The following DRC11 variants were observed in gnomAD, a reference collection of about 807,000 sequenced individuals.
DRC11 encodes IQ and AAA domain-containing protein 1.
the DRC11 span, among the ~76,000 whole-genome samples, chr2:236,423,935 G>T: frequency 6.6e-6 from 1 of 151,616 alleles, no homozygotes; most frequent in African/African-American, 2.4e-5. Flanking sequence ...ATCATTCTGC[G>T]CAAACTATCG....
the DRC11 span, among the ~76,000 whole-genome samples, chr2:236,403,354 CAG>C: frequency 6.6e-6 from 1 of 151,498 alleles, no homozygotes; most frequent in South Asian, 2.1e-4. Context: ...AAAAGAGAGA[CAG>C]GGGGACAGAG....
chr2:236,425,417 A>G, the DRC11 span, among the ~76,000 whole-genome samples: 3 of 151,968 alleles, frequency 2.0e-5, no homozygotes, highest in Non-Finnish European at 4.4e-5. Context: ...ATTTTTCCAT[A>G]TACATGTTGA....
At chr2:236,465,466 A>C in the DRC11 span, 1 of 1,547,890 alleles carries the variant, frequency 6.5e-7, no homozygotes, top group Non-Finnish European at 8.9e-7. The surrounding 1 kb of genome is among the most constrained non-coding windows in gnomAD (Gnocchi z 6.2). Flanking sequence ...CAGCCACTAA[A>C]GAACAGACTG....
the DRC11 span, among the ~76,000 whole-genome samples, chr2:236,395,397 A>G: frequency 6.6e-6 from 1 of 152,254 alleles, no homozygotes; most frequent in Non-Finnish European, 1.5e-5. Context: ...CAAGCATTGC[A>G]TACATTGTCT....
At chr2:236,469,046 T>C in the DRC11 span, among the ~76,000 whole-genome samples, 1 of 152,224 alleles carries the variant, frequency 6.6e-6, no homozygotes, top group Non-Finnish European at 1.5e-5. This position sits in a 1 kb window ranked among gnomAD's most constrained non-coding sequence, Gnocchi z 5.8. Context: ...CTATACGAAG[T>C]GTCCAAGAAA....
the DRC11 span, among the ~76,000 whole-genome samples, chr2:236,316,211 G>A: frequency 6.6e-6 from 1 of 150,856 alleles, no homozygotes; most frequent in Non-Finnish European, 1.5e-5. The surrounding 1 kb of genome is among the most constrained non-coding windows in gnomAD (Gnocchi z 6.8). Flanking sequence ...TGCCCAGGAT[G>A]GAGTGCAATT....
chr2:236,368,725 G>C, the DRC11 span: 2 of 161,402 alleles, frequency 1.2e-5, no homozygotes, highest in Non-Finnish European at 2.7e-5. Flanking sequence ...ATTTAAGATC[G>C]ATGTAGAATT....
chr2:236,499,715 C>G, the DRC11 span, among the ~76,000 whole-genome samples: 2 of 152,150 alleles, frequency 1.3e-5, no homozygotes, highest in Non-Finnish European at 2.9e-5. The surrounding 1 kb of genome is among the most constrained non-coding windows in gnomAD (Gnocchi z 4.7). Flanking sequence ...CAGACGTGAA[C>G]CACTGTGCCT....
the DRC11 span, among the ~76,000 whole-genome samples, chr2:236,470,191 A>ACTTT: frequency 6.6e-6 from 1 of 152,198 alleles, no homozygotes; most frequent in African/African-American, 2.4e-5. This position sits in a 1 kb window ranked among gnomAD's most constrained non-coding sequence, Gnocchi z 5.1. Context: ...GAGAAAATGG[A>ACTTT]CATTTGTCCA....
At chr2:236,388,168 T>C in the DRC11 span, among the ~76,000 whole-genome samples, 1 of 152,052 alleles carries the variant, frequency 6.6e-6, no homozygotes, top group Non-Finnish European at 1.5e-5. Flanking sequence ...AGGAGTATCT[T>C]TGTGGCGTTC....
chr2:236,474,289 T>C, the DRC11 span, among the ~76,000 whole-genome samples: 2 of 152,196 alleles, frequency 1.3e-5, no homozygotes, highest in Non-Finnish European at 2.9e-5. Context: ...TCAAACTGTA[T>C]TGCTGAAAAA....
the DRC11 span, chr2:236,419,248 G>A: frequency 4.6e-6 from 7 of 1,535,442 alleles, no homozygotes; most frequent in African/African-American, 9.9e-5. This position sits in a 1 kb window ranked among gnomAD's most constrained non-coding sequence, Gnocchi z 4.8. Context: ...CTTCCTCTTG[G>A]TTTGCTATGA....
At chr2:236,327,483 G>A in the DRC11 span, among the ~76,000 whole-genome samples, 7 of 152,220 alleles carry the variant, frequency 4.6e-5, no homozygotes, top group Middle Eastern at 3.4e-3. Context: ...GACTTCAAGC[G>A]ATCTGCCTGC....
At chr2:236,496,127 A>G in the DRC11 span, among the ~76,000 whole-genome samples, 3,134 of 152,278 alleles carry the variant, frequency 0.021, 112 homozygotes, top group African/African-American at 0.071. The surrounding 1 kb of genome is among the most constrained non-coding windows in gnomAD (Gnocchi z 6.3). Context: ...AATTGTTCAT[A>G]TTGTCACTTT....
the DRC11 span, among the ~76,000 whole-genome samples, chr2:236,379,010 C>T: frequency 6.6e-6 from 1 of 152,190 alleles, no homozygotes; most frequent in African/African-American, 2.4e-5. Context: ...AACCCACACT[C>T]CCCCGACTGT....
At chr2:236,457,599 G>T in the DRC11 span, among the ~76,000 whole-genome samples, 1 of 152,214 alleles carries the variant, frequency 6.6e-6, no homozygotes, top group Non-Finnish European at 1.5e-5. The surrounding 1 kb of genome is among the most constrained non-coding windows in gnomAD (Gnocchi z 4.7). Flanking sequence ...TTGTAGGCGT[G>T]ATTAAGATCC....
chr2:236,338,206 G>GT, the DRC11 span: 1 of 1,613,070 alleles, frequency 6.2e-7, no homozygotes, highest in Non-Finnish European at 8.5e-7. Context: ...GGTACTTGCC[G>GT]TATCTGGAAG....
At chr2:236,419,872 T>C in the DRC11 span, among the ~76,000 whole-genome samples, 1 of 152,344 alleles carries the variant, frequency 6.6e-6, no homozygotes, top group East Asian at 1.9e-4. The surrounding 1 kb of genome is among the most constrained non-coding windows in gnomAD (Gnocchi z 4.8). Flanking sequence ...TAAAAAAACA[T>C]ATAATTCAGT....
At chr2:236,308,017 G>A in the DRC11 span, among the ~76,000 whole-genome samples, 2 of 151,992 alleles carry the variant, frequency 1.3e-5, no homozygotes, top group African/African-American at 4.8e-5. The surrounding 1 kb of genome is among the most constrained non-coding windows in gnomAD (Gnocchi z 6.0). Flanking sequence ...AGGCGTCCTC[G>A]TGTGCTTGCA....
Sources: gnomAD v4.1 joint callset for allele counts (sites outside exome capture counted in the v4.1 genomes callset) on GRCh38, gnomAD v4.1.1 for gene constraint, Gnocchi (gnomAD v3.1) non-coding constraint, MANE v1.5 for transcripts, NCBI Gene and HGNC (gene_info 2026-07-23, HGNC 2026-07-21) for gene names.